XKR9: variants seen among roughly 807,000 people sequenced by gnomAD.
XKR9 encodes the protein XK related 9.
XKR9 carries 32 observed loss-of-function variants against 32.0 expected under a neutral mutation model. That is an observed-to-expected ratio of 1.00 (90% CI 0.76 to 1.34). The LOEUF is 1.34. XKR9 is among the 40% of genes most tolerant of loss of function. XKR9 has a pLI of 0.00. For synonymous variants in XKR9, 168 were observed against 143.4 expected (o/e 1.17, Z -1.22); for missense variants, 546 against 429.7 (o/e 1.27, Z -2.39).
the XKR9 span, among the ~76,000 whole-genome samples, chr8:70,975,960 C>T: frequency 2.0e-5 from 3 of 152,134 alleles, no homozygotes; most frequent in Non-Finnish European, 4.4e-5. Flanking sequence ...TCCTTCACAT[C>T]CCTTGGAAGT....
chr8:70,845,518 C>A, the XKR9 span, among the ~76,000 whole-genome samples: 15 of 152,010 alleles, frequency 9.9e-5, no homozygotes, highest in African/African-American at 3.6e-4. Flanking sequence ...CAAGAGAACA[C>A]AGATAAACAA....
chr8:71,003,651 T>C, the XKR9 span, among the ~76,000 whole-genome samples: 1 of 152,196 alleles, frequency 6.6e-6, no homozygotes, highest in Non-Finnish European at 1.5e-5. Flanking sequence ...GTGTGTAGCA[T>C]ATTTAGGCAC....
the XKR9 span, among the ~76,000 whole-genome samples, chr8:70,812,243 C>T: frequency 2.5e-4 from 38 of 152,180 alleles, 1 homozygote; most frequent in South Asian, 7.9e-3. Flanking sequence ...ATTCAACAAC[C>T]CTTCATGGTA....
At chr8:70,803,461 G>A in the XKR9 span, among the ~76,000 whole-genome samples, 12 of 152,286 alleles carry the variant, frequency 7.9e-5, no homozygotes, top group Admixed American at 6.5e-4. Context: ...ATTTCAGCCT[G>A]GTTAAGAATT....
At chr8:70,720,426 G>A (rs925614327) in intron 4 of XKR9, among the ~76,000 whole-genome samples, 24 of 152,126 alleles carry the variant, frequency 1.6e-4, no homozygotes, top group African/African-American at 5.6e-4. Context: ...TATGATATTG[G>A]CTATGGATAT....
the XKR9 span, among the ~76,000 whole-genome samples, chr8:70,969,330 C>T: frequency 6.6e-6 from 1 of 152,146 alleles, no homozygotes; most frequent in East Asian, 1.9e-4. Context: ...GTAATAAAAC[C>T]AGCCACACTG....
chr8:71,015,966 A>G, the XKR9 span, among the ~76,000 whole-genome samples: 1 of 151,976 alleles, frequency 6.6e-6, no homozygotes, highest in Non-Finnish European at 1.5e-5. Context: ...TTTTCCTTTA[A>G]TAAGGCAGCC....
intron 2 of XKR9, among the ~76,000 whole-genome samples, chr8:70,785,351 A>G (rs1325687550): frequency 6.6e-6 from 1 of 151,884 alleles, no homozygotes; most frequent in African/African-American, 2.4e-5. Context: ...ATCAGTTGTA[A>G]TGTCTCCTCT....
intron 2 of XKR9, among the ~76,000 whole-genome samples, chr8:70,754,810 C>T (rs1384730074): frequency 6.6e-6 from 1 of 151,922 alleles, no homozygotes; most frequent in Non-Finnish European, 1.5e-5. Context: ...CATAAAAACC[C>T]TAGAAGAAAA....
chr8:70,712,215 T>C (rs1231637024), intron 4 of XKR9, among the ~76,000 whole-genome samples: 2 of 152,146 alleles, frequency 1.3e-5, no homozygotes, highest in Non-Finnish European at 2.9e-5. Flanking sequence ...ACCTAGGTTA[T>C]TTAAATCAAC....
chr8:70,730,338 A>G (rs13281864), intron 4 of XKR9, among the ~76,000 whole-genome samples: 81,880 of 151,994 alleles, frequency 0.54, 23,033 homozygotes, highest in Middle Eastern at 0.62. Context: ...AAATTAGTTT[A>G]ACCATAAGGT....
chr8:70,970,733 G>C, the XKR9 span, among the ~76,000 whole-genome samples: 1 of 152,152 alleles, frequency 6.6e-6, no homozygotes, highest in Non-Finnish European at 1.5e-5. Context: ...CATTTTGGTT[G>C]GTTCCAAGTT....
At chr8:70,853,974 G>A in the XKR9 span, among the ~76,000 whole-genome samples, 1 of 152,152 alleles carries the variant, frequency 6.6e-6, no homozygotes, top group Non-Finnish European at 1.5e-5. Context: ...TGTGAATAGT[G>A]CCACAATAAA....
chr8:71,013,529 G>A, the XKR9 span, among the ~76,000 whole-genome samples: 1 of 152,202 alleles, frequency 6.6e-6, no homozygotes, highest in Non-Finnish European at 1.5e-5. Flanking sequence ...TGGTTAATGA[G>A]AAGCCAGCAG....
chr8:70,959,293 C>G, the XKR9 span, among the ~76,000 whole-genome samples: 1 of 152,054 alleles, frequency 6.6e-6, no homozygotes, highest in East Asian at 1.9e-4. Flanking sequence ...CTACTTTTTT[C>G]TTTTTCACAT....
At chr8:70,820,683 A>G in the XKR9 span, among the ~76,000 whole-genome samples, 1 of 152,204 alleles carries the variant, frequency 6.6e-6, no homozygotes, top group Non-Finnish European at 1.5e-5. Context: ...AAGGGAAGCA[A>G]GGCAACTTCT....
chr8:70,864,228 G>A, the XKR9 span, among the ~76,000 whole-genome samples: 6 of 152,004 alleles, frequency 3.9e-5, no homozygotes, highest in Non-Finnish European at 2.9e-5. Flanking sequence ...TTTCAACTTA[G>A]GATCAAATAG....
At chr8:70,741,498 G>A (rs1317070839) in intron 2 of XKR9, among the ~76,000 whole-genome samples, 1 of 152,196 alleles carries the variant, frequency 6.6e-6, no homozygotes, top group African/African-American at 2.4e-5. Context: ...TATTGTATTT[G>A]TCTTTTGTTA....
the XKR9 span, among the ~76,000 whole-genome samples, chr8:71,003,173 T>C: frequency 6.6e-6 from 1 of 152,210 alleles, no homozygotes; most frequent in Non-Finnish European, 1.5e-5. Flanking sequence ...GCTCAGAAAC[T>C]CTTTATACAG....
Sources: allele counts gnomAD v4.1 joint callset (sites outside exome capture counted in the v4.1 genomes callset), GRCh38; gene constraint gnomAD v4.1.1; transcripts MANE v1.5; gene names NCBI Gene and HGNC (gene_info 2026-07-23, HGNC 2026-07-21).